The following FBXL13 variants were observed in gnomAD, a reference collection of about 807,000 sequenced individuals.
FBXL13 encodes the protein F-box and leucine rich repeat protein 13, also known as F-box and leucine-rich repeat protein 13.
FBXL13 carries 67 observed loss-of-function variants against 83.6 expected under a neutral mutation model. The ratio of observed to expected loss-of-function variants is 0.80; its 90% CI spans 0.66 to 0.98. FBXL13 has a LOEUF of 0.98. FBXL13 is among the 50% of genes least tolerant of loss of function. The probability of loss-of-function intolerance (pLI) is 0.00; values close to 1 mark genes in which losing one functional copy is unlikely to be tolerated. For missense variants in FBXL13, 822 were observed against 866.5 expected (o/e 0.95, Z 0.64); for synonymous variants, 272 against 299.5 (o/e 0.91, Z 0.95).
intron 16 of FBXL13, among the ~76,000 whole-genome samples, chr7:102,872,314 T>G (rs926789843): frequency 6.6e-6 from 1 of 152,192 alleles, no homozygotes; most frequent in African/African-American, 2.4e-5. Context: ...TTTTTTTCCT[T>G]CATTCAATGA....
At chr7:102,986,422 G>A (rs1489735674) in intron 6 of FBXL13, among the ~76,000 whole-genome samples, 3 of 152,170 alleles carry the variant, frequency 2.0e-5, no homozygotes, top group Admixed American at 6.5e-5. Flanking sequence ...CCATCAGAAA[G>A]CCATGGCAAC....
At chr7:102,876,937 G>T (rs1584742857) in intron 16 of FBXL13, among the ~76,000 whole-genome samples, 1 of 152,134 alleles carries the variant, frequency 6.6e-6, no homozygotes, top group Non-Finnish European at 1.5e-5. Flanking sequence ...TCCTCCTTTT[G>T]ATTAGTAAAT....
chr7:102,938,995 A>AT (rs1316345062), intron 8 of FBXL13, among the ~76,000 whole-genome samples: 7 of 152,180 alleles, frequency 4.6e-5, no homozygotes, highest in Non-Finnish European at 8.8e-5. Flanking sequence ...TCTCATAAAC[A>AT]TTTTTTTCGA....
chr7:102,834,140 AAAGAGAAGAC>A (rs1801405872), intron 17 of FBXL13, among the ~76,000 whole-genome samples: 1 of 102,992 alleles, frequency 9.7e-6, no homozygotes, highest in Non-Finnish European at 1.9e-5. Flanking sequence ...GAAAGAAAGA[AAAGAGAAGAC>A]AAGAGAAAAG....
At chr7:103,001,123 T>A (rs1441180300) in intron 6 of FBXL13, among the ~76,000 whole-genome samples, 1 of 150,568 alleles carries the variant, frequency 6.6e-6, no homozygotes, top group Admixed American at 6.6e-5. Flanking sequence ...TATATATATT[T>A]TTTTTTGATT....
At chr7:102,971,023 A>C (rs912915300) in intron 6 of FBXL13, among the ~76,000 whole-genome samples, 18 of 152,354 alleles carry the variant, frequency 1.2e-4, no homozygotes, top group Middle Eastern at 6.8e-3. Flanking sequence ...TCAAAGCAAA[A>C]TTTAAAAATA....
intron 16 of FBXL13, among the ~76,000 whole-genome samples, chr7:102,873,150 T>C (rs1311938741): frequency 6.6e-6 from 1 of 152,238 alleles, no homozygotes; most frequent in Non-Finnish European, 1.5e-5. Flanking sequence ...CAGAACACAG[T>C]GTCCCTTTAG....
intron 6 of FBXL13, among the ~76,000 whole-genome samples, chr7:102,969,547 G>C (rs537217226): frequency 6.6e-6 from 1 of 152,040 alleles, no homozygotes; most frequent in Non-Finnish European, 1.5e-5. Context: ...AAGAAATCAC[G>C]CCTGTAATCC....
intron 6 of FBXL13, chr7:102,988,876 A>G (rs1563190888): frequency 1.3e-5 from 2 of 152,254 alleles, no homozygotes; most frequent in South Asian, 2.1e-4. Flanking sequence ...GTTTTCTCTC[A>G]CATTGCTACT....
intron 11 of FBXL13, among the ~76,000 whole-genome samples, chr7:102,907,128 A>C (rs1813883987): frequency 6.6e-6 from 1 of 151,980 alleles, no homozygotes; most frequent in African/African-American, 2.4e-5. Context: ...ACCCACCACC[A>C]CGTCTGGCTA....
intron 2 of FBXL13, among the ~76,000 whole-genome samples, chr7:103,038,966 T>A (rs1168444930): frequency 1.3e-5 from 2 of 152,030 alleles, no homozygotes; most frequent in Non-Finnish European, 2.9e-5. Flanking sequence ...GGATGGAGAA[T>A]GAGTTTGACA....
At chr7:103,055,896 T>C (rs1412059068) in intron 1 of FBXL13, 149 bp from the exon 2 acceptor site, 1 of 402,572 alleles carries the variant, frequency 2.5e-6, no homozygotes, top group East Asian at 7.6e-5. Flanking sequence ...AGGTGGTGTT[T>C]GGTTACATGA....
intron 6 of FBXL13, among the ~76,000 whole-genome samples, chr7:102,977,551 T>C (rs1380099612): frequency 6.6e-6 from 1 of 152,216 alleles, no homozygotes; most frequent in Non-Finnish European, 1.5e-5. Context: ...AAAATGCTGA[T>C]AAGGACAGTA....
intron 18 of FBXL13, among the ~76,000 whole-genome samples, chr7:102,825,481 T>C (rs1799468957): frequency 6.6e-6 from 1 of 152,226 alleles, no homozygotes; most frequent in African/African-American, 2.4e-5. Context: ...GACCTTGGAC[T>C]TCCCAGCCTC....
intron 18 of FBXL13, among the ~76,000 whole-genome samples, chr7:102,822,690 A>T (rs1798966870): frequency 6.6e-6 from 1 of 152,272 alleles, no homozygotes; most frequent in Non-Finnish European, 1.5e-5. Flanking sequence ...AGCTTGTCAC[A>T]TAATGGGCCT....
chr7:103,055,533 C>A, intron 2 of FBXL13, 111 bp downstream of exon 2: 1 of 414,496 alleles, frequency 2.4e-6, no homozygotes, highest in Non-Finnish European at 4.2e-6. Flanking sequence ...GATTCCTTAA[C>A]AATCTTGAGA....
chr7:103,034,906 A>C (rs1470436869), intron 2 of FBXL13, among the ~76,000 whole-genome samples: 2 of 152,244 alleles, frequency 1.3e-5, no homozygotes, highest in Non-Finnish European at 2.9e-5. Flanking sequence ...GAAAAAACAC[A>C]ATCTTTCAAA....
At chr7:103,038,925 C>T (rs575244938) in intron 2 of FBXL13, among the ~76,000 whole-genome samples, 24 of 152,286 alleles carry the variant, frequency 1.6e-4, no homozygotes, top group South Asian at 1.2e-3. Flanking sequence ...TCCAAAGGAT[C>T]GCAGCTCCTC....
rs766017415 is a variant in FBXL13, at chr7:102,822,100, AG to A, written c.1957del (p.Leu653PhefsTer3). Reference sequence around the variant, plus strand: ...CCGGAGTTGTTTGCAGCCTATCTGAAGGTCCTCAAGGATTTGGTCAGTAAGC... The same window carrying A: ...CCGGAGTTGTTTGCAGCCTATCTGAAGTCCTCAAGGATTTGGTCAGTAAGC... On this transcript the variant is annotated frameshift_variant, in exon 19 of 20. Coordinates refer to ENST00000313221, the Ensembl canonical transcript of FBXL13. LOFTEE classifies it high-confidence loss of function. 1.2e-6 allele frequency: 2 copies of A among 1,614,232 alleles called. No individual in the cohort carries two copies. Among genetic ancestry groups the A allele is most frequent in the African/African-American group, 1.3e-5 (1 of 75,060 alleles).
Sources: gnomAD v4.1 joint callset for allele counts (sites outside exome capture counted in the v4.1 genomes callset) on GRCh38, gnomAD v4.1.1 for gene constraint, MANE v1.5 for transcripts, NCBI Gene and HGNC (gene_info 2026-07-23, HGNC 2026-07-21) for gene names.